TAB2: variants seen among roughly 807,000 people sequenced by gnomAD.
TAB2 encodes the protein TGF-beta-activated kinase 1 and MAP3K7-binding protein 2.
A neutral mutation model predicts 65.0 loss-of-function variants in TAB2; 3 were observed. That is an observed-to-expected ratio of 0.05 (90% CI 0.02 to 0.12). The LOEUF (loss-of-function observed/expected upper bound fraction) is 0.12, where lower values mean the gene tolerates loss of function less well. Ranked by LOEUF, TAB2 falls within the 10% of genes least tolerant of loss-of-function variation. The pLI is 1.00. For synonymous variants in TAB2, 298 were observed against 285.1 expected, an observed-to-expected ratio of 1.05 and a Z score of -0.46; for missense variants, 623 against 840.3, an observed-to-expected ratio of 0.74 and a Z score of 3.20.
intron 1 of TAB2, among the ~76,000 whole-genome samples, chr6:149,291,801 T>C (rs639289): frequency 0.4 from 61,440 of 151,928 alleles, 14,037 homozygotes; most frequent in African/African-American, 0.64. Flanking sequence ...GTGGAGGTTG[T>C]AGTGAGCCAA....
At chr6:149,348,489 G>A (rs1197138197) in intron 1 of TAB2, among the ~76,000 whole-genome samples, 3 of 151,870 alleles carry the variant, frequency 2.0e-5, no homozygotes, top group Admixed American at 6.6e-5. Flanking sequence ...AGGTCGAAAC[G>A]TTCTGCCGTC....
intron 1 of TAB2, among the ~76,000 whole-genome samples, chr6:149,344,640 AG>A (rs1276732291): frequency 6.6e-6 from 1 of 152,138 alleles, no homozygotes; most frequent in Non-Finnish European, 1.5e-5. Flanking sequence ...GGACTTTAAT[AG>A]GCAATGGGAA....
At chr6:149,394,931 C>T (rs1009874869) in intron 3 of TAB2, among the ~76,000 whole-genome samples, 45 of 152,226 alleles carry the variant, frequency 3.0e-4, no homozygotes, top group African/African-American at 1.1e-3. Flanking sequence ...AAAATGGAAA[C>T]AGCCATAGAC....
chr6:149,329,669 G>T (rs946628886), intron 1 of TAB2, among the ~76,000 whole-genome samples: 9 of 148,298 alleles, frequency 6.1e-5, no homozygotes, highest in Non-Finnish European at 9.0e-5. Flanking sequence ...TGGAGCTGGG[G>T]GGGGCGGGGT....
intron 1 of TAB2, among the ~76,000 whole-genome samples, chr6:149,354,582 A>G (rs1780596624): frequency 6.6e-6 from 1 of 152,212 alleles, no homozygotes; most frequent in Non-Finnish European, 1.5e-5. Flanking sequence ...AAGGTGTATA[A>G]TGAAGAGTAA....
chr6:149,235,546 G>A (rs1410799198), intron 1 of TAB2, among the ~76,000 whole-genome samples: 1 of 152,212 alleles, frequency 6.6e-6, no homozygotes, highest in African/African-American at 2.4e-5. Flanking sequence ...ACTAGCTTGA[G>A]CAAAAAGATA....
chr6:149,341,631 C>G (rs1193746712), intron 1 of TAB2, among the ~76,000 whole-genome samples: 1 of 152,154 alleles, frequency 6.6e-6, no homozygotes, highest in Non-Finnish European at 1.5e-5. Flanking sequence ...TTAGACTTCT[C>G]TCTCACAGAA....
chr6:149,259,205 G>A (rs1023050706), intron 1 of TAB2, among the ~76,000 whole-genome samples: 4 of 152,134 alleles, frequency 2.6e-5, no homozygotes, highest in African/African-American at 9.7e-5. Flanking sequence ...AATGGAGGAT[G>A]TTTTTCAGGG....
At chr6:149,360,186 T>C (rs1780796323) in intron 1 of TAB2, among the ~76,000 whole-genome samples, 1 of 152,056 alleles carries the variant, frequency 6.6e-6, no homozygotes, top group African/African-American at 2.4e-5. Flanking sequence ...AATGATAGCC[T>C]TTTTTTTCTG....
chr6:149,384,519 A>C (rs1305000001), intron 3 of TAB2, among the ~76,000 whole-genome samples: 1 of 152,232 alleles, frequency 6.6e-6, no homozygotes. Flanking sequence ...AAGTGGAAAG[A>C]ACAAATTAAG....
rs545095693 is a variant in TAB2 at position 149,330,426 on chromosome 6, C to A, written c.-90+12411C>A. On this transcript the variant is annotated intron_variant, in intron 1 of 6. Transcript: ENST00000637181. The stretch of plus-strand genomic sequence containing the variant: ...ATTCCCAGCAGCAATATGTGAGAAA[C>A]CTACAGTTTCTCTGCATCCTCTCCA... 1.6e-4 allele frequency among the ~76,000 whole-genome samples: 25 copies of A among 152,260 alleles called. No homozygotes were observed. In the East Asian group the frequency reaches 4.4e-3, roughly 27 times the overall value.
intron 1 of TAB2, among the ~76,000 whole-genome samples, chr6:149,268,981 A>C (rs944166199): frequency 4.0e-4 from 61 of 152,196 alleles, no homozygotes; most frequent in African/African-American, 1.5e-3. Flanking sequence ...AATCTTTATC[A>C]AAGTACAAGG....
At chr6:149,312,093 G>A (rs1375338332) in intron 1 of TAB2, among the ~76,000 whole-genome samples, 2 of 152,220 alleles carry the variant, frequency 1.3e-5, no homozygotes, top group African/African-American at 4.8e-5. Context: ...AAGGGTAACT[G>A]AGTAGGTGAA....
At chr6:149,379,573 A>G in intron 3 of TAB2, 55 bp downstream of exon 3, 1 of 1,545,832 alleles carries the variant, frequency 6.5e-7, no homozygotes, top group Non-Finnish European at 8.9e-7. Flanking sequence ...GTTGGTGTGC[A>G]TTTGATTTCA....
At chr6:149,227,841 G>A (rs528020153) in intron 1 of TAB2, among the ~76,000 whole-genome samples, 15 of 152,284 alleles carry the variant, frequency 9.9e-5, no homozygotes, top group South Asian at 4.1e-4. Context: ...TGATGGGTTC[G>A]TGAAGGTTGT....
chr6:149,264,108 GA>G (rs1341135544), intron 1 of TAB2, among the ~76,000 whole-genome samples: 8 of 152,240 alleles, frequency 5.3e-5, no homozygotes, highest in African/African-American at 1.9e-4. Context: ...GGACCCAGCA[GA>G]ATGGGCAGGT....
chr6:149,391,461 G>T (rs1011823627), intron 3 of TAB2, among the ~76,000 whole-genome samples: 5 of 151,482 alleles, frequency 3.3e-5, no homozygotes, highest in African/African-American at 1.2e-4. Context: ...CTCTTGTTTA[G>T]CTATTTAATA....
At chr6:149,405,329 G>C (rs372326441) in intron 6 of TAB2, among the ~76,000 whole-genome samples, 1 of 152,188 alleles carries the variant, frequency 6.6e-6, no homozygotes, top group Non-Finnish European at 1.5e-5. Context: ...ATGTAAGCTG[G>C]TGCAGCTATT....
At chr6:149,333,708 AGTGTGTGTGT>A (rs61004397) in intron 1 of TAB2, among the ~76,000 whole-genome samples, 3,605 of 144,886 alleles carry the variant, frequency 0.025, 148 homozygotes, top group African/African-American at 0.085. Context: ...CCAGATCCAT[AGTGTGTGTGT>A]GTGTGTGTGT....
Sources: allele counts gnomAD v4.1 joint callset (sites outside exome capture counted in the v4.1 genomes callset), GRCh38; gene constraint gnomAD v4.1.1; transcripts MANE v1.5; gene names NCBI Gene and HGNC (gene_info 2026-07-23, HGNC 2026-07-21).